MGAT5: variants seen among roughly 807,000 people sequenced by gnomAD.
The protein encoded by MGAT5 is alpha-1,6-mannosylglycoprotein 6-beta-N-acetylglucosaminyltransferase.
MGAT5 carries 30 observed loss-of-function variants against 94.3 expected under a neutral mutation model. The observed-to-expected ratio is 0.32, with a 90% CI of 0.24 to 0.43. The LOEUF is 0.43. Among genes scored for constraint, MGAT5 ranks in the 20% least tolerant of loss-of-function variants. The pLI is 1.00. For synonymous variants in MGAT5, 310 were observed against 322.9 expected (o/e 0.96, Z 0.43); for missense variants, 691 against 905.5 (o/e 0.76, Z 3.04).
At chr2:134,178,693 TAAGAGATTGCTC>T (rs1688592983) in intron 1 of MGAT5, among the ~76,000 whole-genome samples, 1 of 152,028 alleles carries the variant, frequency 6.6e-6, no homozygotes, top group African/African-American at 2.4e-5. Context: ...AGTCGAGGAG[TAAGAGATTGCTC>T]TAGGGAAAGA....
chr2:134,360,382 T>G lies in MGAT5; in HGVS notation c.1247-1893T>G, dbSNP rs374999847. ...TTTTCATTTGGGGGGCTGAATCATT[T>G]TATTTTTTACTATATATTAGTATAT... On this transcript the variant is annotated intron_variant, in intron 9 of 15. Coordinates refer to ENST00000281923, the MANE Select transcript of MGAT5 (RefSeq NM_002410.5). Among the ~76,000 whole-genome samples the G allele has an allele frequency of 2.6e-5, 4 of 152,180 alleles. No individual in the cohort carries two copies. In the East Asian group the frequency reaches 7.7e-4, roughly 29 times the overall value.
intron 1 of MGAT5, among the ~76,000 whole-genome samples, chr2:134,218,559 C>T (rs1036712703): frequency 2.0e-5 from 3 of 152,122 alleles, no homozygotes; most frequent in Non-Finnish European, 2.9e-5. Flanking sequence ...ATGGGTTCCA[C>T]GGGGCTCCCT....
At chr2:134,246,869 C>T (rs1265972060) in intron 1 of MGAT5, among the ~76,000 whole-genome samples, 1 of 152,220 alleles carries the variant, frequency 6.6e-6, no homozygotes, top group Non-Finnish European at 1.5e-5. Context: ...TAAGCAAAAC[C>T]AGACGTTGTC....
intron 1 of MGAT5, among the ~76,000 whole-genome samples, chr2:134,168,812 AAGAT>A (rs1390971868): frequency 1.3e-5 from 2 of 152,198 alleles, no homozygotes; most frequent in Non-Finnish European, 2.9e-5. Flanking sequence ...GATGTGGAAA[AAGAT>A]AGGGAAATCC....
At chr2:134,150,008 C>T (rs531153619) in intron 1 of MGAT5, among the ~76,000 whole-genome samples, 1 of 152,294 alleles carries the variant, frequency 6.6e-6, no homozygotes, top group South Asian at 2.1e-4. Flanking sequence ...CACTGGGTGC[C>T]TGATTGGCTG....
intron 1 of MGAT5, among the ~76,000 whole-genome samples, chr2:134,195,924 G>T (rs556811839): frequency 5.1e-4 from 77 of 152,306 alleles, no homozygotes; most frequent in Admixed American, 1.4e-3. Flanking sequence ...TAACTGGCTT[G>T]TGATCTCCAG....
chr2:134,420,774 C>G (rs1395863114), intron 12 of MGAT5, among the ~76,000 whole-genome samples: 1 of 152,130 alleles, frequency 6.6e-6, no homozygotes, highest in South Asian at 2.1e-4. Context: ...ATTATATAAC[C>G]TTGCCTACCC....
At chr2:134,298,286 C>A (rs1162318920) in intron 2 of MGAT5, among the ~76,000 whole-genome samples, 1 of 151,980 alleles carries the variant, frequency 6.6e-6, no homozygotes, top group African/African-American at 2.4e-5. Context: ...TTTGTAGAGA[C>A]GATGTTTCAC....
chr2:134,374,511 T>C (rs1206870665), intron 10 of MGAT5, among the ~76,000 whole-genome samples: 1 of 152,168 alleles, frequency 6.6e-6, no homozygotes, highest in Non-Finnish European at 1.5e-5. Context: ...CAAGAAAGGG[T>C]ATTATGGCAT....
At position 134,403,045 on chromosome 2, in the gene MGAT5, T is replaced by C. The variant is rs762348500; in HGVS notation, c.1438T>C (p.Tyr480His). ...HTYMEVHATV[Y>H]GSSTKNIPSY... ...ATACATGGAAGTGCATGCAACTGTT[T>C]ATGGCTCCAGCACAAAGAATATTCC... The change falls in exon 11 of 16, where the codon TAT (tyrosine) becomes CAT (histidine). Residue 480 changes from tyrosine (Y) to histidine (H), a missense_variant. This residue lies in a region of MGAT5 where 260 missense variants were observed against 347.0 expected (regional missense o/e 0.75). Coordinates refer to ENST00000281923, the MANE Select transcript of MGAT5 (RefSeq NM_002410.5). 1.9e-6 allele frequency: 3 copies of C among 1,612,880 alleles called. No individual in the cohort carries two copies. Among genetic ancestry groups the C allele is most frequent in the Non-Finnish European group, 1.7e-6 (2 of 1,179,796 alleles).
chr2:134,331,778 A>C (rs1183880595), intron 4 of MGAT5, among the ~76,000 whole-genome samples: 2 of 151,606 alleles, frequency 1.3e-5, no homozygotes, highest in Non-Finnish European at 2.9e-5. Context: ...GAGAGCCAAG[A>C]GTAGAAGAGC....
In MGAT5 at chr2:134,426,067, G is replaced by A. The variant is rs565030340; in HGVS notation, c.1795-2298G>A. ...AGAACTTTTATGCAGAAAACTGCCC[G>A]CTCTCCCAGCCCCCAGTCCACATTA... On this transcript the variant is annotated intron_variant, in intron 13 of 15. Coordinates refer to ENST00000281923, the MANE Select transcript of MGAT5 (RefSeq NM_002410.5). Among the ~76,000 whole-genome samples the A allele has an allele frequency of 1.1e-4, 17 of 152,122 alleles. No individual in the cohort carries two copies. The South Asian group carries it at 1.7e-3, about 15-fold the overall frequency.
At chr2:134,251,253 G>C (rs1451878902), upstream of MGAT5, among the ~76,000 whole-genome samples, 1 of 151,712 alleles carries the variant, frequency 6.6e-6, no homozygotes, top group Non-Finnish European at 1.5e-5. Context: ...AGTTCGTAAT[G>C]TGGCTGTCAG....
chr2:134,318,832 G>A, intron 4 of MGAT5, 93 bp downstream of exon 4: 1 of 818,510 alleles, frequency 1.2e-6, no homozygotes. Context: ...AAAACGTGTG[G>A]TATTTTTATG....
chr2:134,167,069 T>C (rs1687995766), intron 1 of MGAT5, among the ~76,000 whole-genome samples: 1 of 152,232 alleles, frequency 6.6e-6, no homozygotes, highest in African/African-American at 2.4e-5. Flanking sequence ...TTATGGAAAC[T>C]AACAGGGAGT....
intron 1 of MGAT5, among the ~76,000 whole-genome samples, chr2:134,244,428 C>T (rs986184669): frequency 3.9e-5 from 6 of 152,060 alleles, no homozygotes; most frequent in African/African-American, 1.2e-4. Flanking sequence ...TGCCTTAATA[C>T]TCATTAGTAA....
intron 1 of MGAT5, among the ~76,000 whole-genome samples, chr2:134,142,633 T>C (rs1423877888): frequency 2.0e-5 from 3 of 152,230 alleles, no homozygotes. Flanking sequence ...GCCAAGGCCT[T>C]CTGCGTTTTT....
chr2:134,173,507 A>C (rs1435333455), intron 1 of MGAT5, among the ~76,000 whole-genome samples: 1 of 152,158 alleles, frequency 6.6e-6, no homozygotes, highest in Non-Finnish European at 1.5e-5. Flanking sequence ...CCTTGTTCTC[A>C]GCTCTGCACC....
chr2:134,422,829 A>G lies in MGAT5; in HGVS notation c.1704A>G (p.Glu568=). ...TGACATCCCAGCATCCTTACGCTGA[A>G]GTTTTCATCGGGCGGCCACATGTGT... is the stretch of plus-strand genomic sequence containing the variant. ...RELTSQHPYA[E]VFIGRPHVWT... The change falls in exon 13 of 16, where the codon GAA becomes GAG. Residue 568 remains glutamate (E), a synonymous_variant. Transcript: ENST00000281923. 6.2e-7 allele frequency: 1 copy of G among 1,613,938 alleles called. No individual in the cohort carries two copies. The highest frequency in any genetic ancestry group is 8.5e-7 in the Non-Finnish European group (1 of 1,179,844).
Sources: gnomAD v4.1 joint callset for allele counts (sites outside exome capture counted in the v4.1 genomes callset) on GRCh38, gnomAD v4.1.1 for gene constraint, gnomAD v4.1.1 regional missense constraint, MANE v1.5 for transcripts, NCBI Gene and HGNC (gene_info 2026-07-23, HGNC 2026-07-21) for gene names.